GRB14: variants seen among roughly 807,000 people sequenced by gnomAD.
GRB14 encodes the protein growth factor receptor bound protein 14.
Under a neutral mutation model 69.1 loss-of-function variants are expected in GRB14, and 38 were observed. The observed-to-expected ratio is 0.55, with a 90% confidence interval of 0.42 to 0.72. The LOEUF (loss-of-function observed/expected upper bound fraction) is 0.72. GRB14 is among the 30% of genes least tolerant of loss of function. The pLI is 0.00. For missense variants in GRB14, 666 were observed against 666.1 expected, an observed-to-expected ratio of 1.00 and a Z score of 0.00; for synonymous variants, 247 against 241.3, an observed-to-expected ratio of 1.02 and a Z score of -0.22.
At chr2:164,608,254 C>T (rs889504043) in intron 2 of GRB14, among the ~76,000 whole-genome samples, 3 of 151,948 alleles carry the variant, frequency 2.0e-5, no homozygotes, top group African/African-American at 7.3e-5. Context: ...TGCCCATAAT[C>T]CCAGCTACTC....
chr2:164,526,901 T>A, intron 4 of GRB14, 113 bp downstream of exon 4: 2 of 567,190 alleles, frequency 3.5e-6, no homozygotes, highest in Non-Finnish European at 5.7e-6. Flanking sequence ...ACCAGAGTCT[T>A]CATCTACAAT....
At chr2:164,565,292 A>ACACACG (rs1553514571) in intron 2 of GRB14, among the ~76,000 whole-genome samples, 50 of 151,616 alleles carry the variant, frequency 3.3e-4, no homozygotes, top group Non-Finnish European at 5.6e-4. Context: ...ACACACACAC[A>ACACACG]CACACACACA....
chr2:164,529,957 A>C lies in GRB14; in HGVS notation c.482-2822T>G, dbSNP rs187287236. ...TCAAAAACTCATCTTAGGGCTAAAAATTTTGTAGTGGAGAAGACAGTAACA... is the reference window on the plus strand; with the variant it reads ...TCAAAAACTCATCTTAGGGCTAAAACTTTTGTAGTGGAGAAGACAGTAACA... On this transcript the variant is annotated intron_variant, in intron 3 of 13. Coordinates refer to ENST00000263915, the MANE Select transcript of GRB14 (RefSeq NM_004490.3). Among the ~76,000 whole-genome samples the C allele has an allele frequency of 3.6e-3, 555 of 152,340 alleles. 5 individuals carry two copies. The highest frequency in any genetic ancestry group is 6.3e-3 in the Non-Finnish European group (427 of 68,030).
chr2:164,614,025 G>A (rs1249307850), intron 2 of GRB14, among the ~76,000 whole-genome samples: 1 of 152,162 alleles, frequency 6.6e-6, no homozygotes, highest in African/African-American at 2.4e-5. Context: ...TTTTGCAAGA[G>A]GTCCAAGTAT....
intron 3 of GRB14, among the ~76,000 whole-genome samples, chr2:164,538,623 C>A (rs536321068): frequency 6.6e-6 from 1 of 152,116 alleles, no homozygotes; most frequent in Non-Finnish European, 1.5e-5. Context: ...AGATTCATAA[C>A]AAAATCAAGA....
At chr2:164,505,627 A>G (rs1251558218) in intron 8 of GRB14, among the ~76,000 whole-genome samples, 2 of 152,164 alleles carry the variant, frequency 1.3e-5, no homozygotes, top group Non-Finnish European at 1.5e-5. Context: ...TTCTACTTAT[A>G]TATTTTATTT....
intron 6 of GRB14, among the ~76,000 whole-genome samples, chr2:164,514,071 T>C (rs1261869907): frequency 1.3e-5 from 2 of 152,208 alleles, no homozygotes; most frequent in Non-Finnish European, 2.9e-5. Context: ...TAGGTAAACA[T>C]ATAAGCATGT....
chr2:164,562,378 A>AT (rs939886725), intron 2 of GRB14, among the ~76,000 whole-genome samples: 6 of 152,190 alleles, frequency 3.9e-5, no homozygotes, highest in African/African-American at 1.2e-4. Flanking sequence ...AGTTGGATTC[A>AT]TTTTTTTTAA....
At position 164,621,069 on chromosome 2, in the gene GRB14, C is replaced by G. The variant is rs1450909415; in HGVS notation, c.191+50G>C. Reference sequence around the variant, plus strand: ...CCCTAGGACCGCCTCCTCACCCCCTCGCCGGCTGCCCAGCCAGGACACTCC... The same window carrying G: ...CCCTAGGACCGCCTCCTCACCCCCTGGCCGGCTGCCCAGCCAGGACACTCC... On this transcript the variant is annotated intron_variant, in intron 1 of 13. Transcript: ENST00000263915. The surrounding 1 kb of genome is among the most constrained non-coding windows in gnomAD (Gnocchi z 6.0). 5 of 1,240,978 alleles carry G rather than the reference C, an allele frequency of 4.0e-6. No individual in the cohort carries two copies. The Admixed American group carries it at 2.1e-4, about 52-fold the overall frequency. 76.9% of individuals were successfully genotyped at this position (1,240,978 alleles called of 1,614,324 possible).
At chr2:164,503,471 A>G (rs1687117652) in intron 8 of GRB14, among the ~76,000 whole-genome samples, 1 of 131,584 alleles carries the variant, frequency 7.6e-6, no homozygotes, top group African/African-American at 2.6e-5. Context: ...AAAAAAAAAA[A>G]AAAAATCAGA....
chr2:164,552,438 G>C (rs933477906), intron 2 of GRB14, among the ~76,000 whole-genome samples: 1 of 152,122 alleles, frequency 6.6e-6, no homozygotes, highest in African/African-American at 2.4e-5. Flanking sequence ...TAATAGAAAA[G>C]TATTTTCTGC....
chr2:164,548,784 T>C (rs1434732507), intron 2 of GRB14, among the ~76,000 whole-genome samples: 1 of 152,156 alleles, frequency 6.6e-6, no homozygotes, highest in Non-Finnish European at 1.5e-5. Context: ...CTCATAGTGG[T>C]TTTGATTTGC....
intron 3 of GRB14, among the ~76,000 whole-genome samples, chr2:164,534,399 C>A (rs1327732830): frequency 2.6e-5 from 4 of 152,128 alleles, no homozygotes; most frequent in Non-Finnish European, 4.4e-5. Flanking sequence ...TTAATCACAT[C>A]TCACATAAAA....
chr2:164,547,440 A>G (rs1688407933), intron 3 of GRB14, among the ~76,000 whole-genome samples: 1 of 152,216 alleles, frequency 6.6e-6, no homozygotes, highest in African/African-American at 2.4e-5. Context: ...GGCTCTCAAC[A>G]GCAGAATGGA....
intron 2 of GRB14, among the ~76,000 whole-genome samples, chr2:164,554,139 T>G (rs1309330731): frequency 6.6e-6 from 1 of 152,088 alleles, no homozygotes; most frequent in Admixed American, 6.6e-5. Flanking sequence ...TTTGTGATCA[T>G]GTAAAAAACA....
In GRB14 at chr2:164,567,933, CAAAG is replaced by C. The variant is rs570240238; in HGVS notation, c.325-20121_325-20118del. ...TGATATATTATGAATTATGGTGAAA[CAAAG>C]AAACTATTCCTTAGTAAACAAATAT... On this transcript the variant is annotated intron_variant, in intron 2 of 13. Coordinates refer to ENST00000263915, the MANE Select transcript of GRB14 (RefSeq NM_004490.3). 8.9e-4 allele frequency among the ~76,000 whole-genome samples: 135 copies of C among 151,918 alleles called. 1 individual carries two copies. The highest frequency in any genetic ancestry group is 3.0e-3 in the African/African-American group (126 of 41,434).
intron 3 of GRB14, among the ~76,000 whole-genome samples, chr2:164,537,711 A>G (rs1402479264): frequency 6.6e-6 from 1 of 152,184 alleles, no homozygotes; most frequent in Non-Finnish European, 1.5e-5. Context: ...AATCAGCTGA[A>G]TCAGAAGCAG....
intron 3 of GRB14, among the ~76,000 whole-genome samples, chr2:164,535,391 G>A (rs1168168189): frequency 6.6e-6 from 1 of 152,168 alleles, no homozygotes; most frequent in East Asian, 1.9e-4. Context: ...CTCCAAGAAT[G>A]GAGAGTGCTC....
intron 6 of GRB14, among the ~76,000 whole-genome samples, chr2:164,520,482 G>C (rs1381802210): frequency 6.6e-6 from 1 of 151,824 alleles, no homozygotes; most frequent in African/African-American, 2.4e-5. Flanking sequence ...AAAATCAAAT[G>C]AAACAAAAAT....
Sources: allele counts gnomAD v4.1 joint callset (sites outside exome capture counted in the v4.1 genomes callset), GRCh38; gene constraint gnomAD v4.1.1; non-coding constraint Gnocchi (gnomAD v3.1); transcripts MANE v1.5; gene names NCBI Gene and HGNC (gene_info 2026-07-23, HGNC 2026-07-21).